Variants in PSMG2 observed in about 807,000 individuals in gnomAD.
PSMG2 encodes CD40 ligand-activated specific transcript 3.
PSMG2 carries 21 observed loss-of-function variants against 31.5 expected under a neutral mutation model. That is an observed-to-expected ratio of 0.67 (90% confidence interval 0.47 to 0.96). PSMG2 has a LOEUF of 0.96. Among genes scored for constraint, PSMG2 ranks in the 40% least tolerant of loss-of-function variants. The pLI is 0.00. For synonymous variants in PSMG2, 120 were observed against 110.4 expected (o/e 1.09, Z -0.54); for missense variants, 318 against 321.2 (o/e 0.99, Z 0.08).
chr18:12,701,208 C>T (rs1878837198), upstream of PSMG2: 1 of 814,352 alleles, frequency 1.2e-6, no homozygotes. Context: ...AGTAAATGCA[C>T]AATTGTTACC....
chr18:12,668,597 CAAAAAAAAAAAAAAAAAA>C (rs752216074), intron 1 of PSMG2, among the ~76,000 whole-genome samples: 5 of 72,836 alleles, frequency 6.9e-5, no homozygotes, highest in Admixed American at 2.3e-4. Context: ...GATTCCATCT[CAAAAAAAAAAAAAAAAAA>C]AAAAAAAAAA....
chr18:12,665,462 C>G (rs1374997629), intron 1 of PSMG2, among the ~76,000 whole-genome samples: 1 of 152,156 alleles, frequency 6.6e-6, no homozygotes, highest in Non-Finnish European at 1.5e-5. Context: ...TCCTCCTCAT[C>G]TTTTGTATAA....
intron 1 of PSMG2, chr18:12,686,599 GTA>G: frequency 1.8e-6 from 1 of 567,488 alleles, no homozygotes; most frequent in Non-Finnish European, 3.1e-6. Context: ...AAAGTGCTGT[GTA>G]TATAATTTCC....
intron 1 of PSMG2, among the ~76,000 whole-genome samples, chr18:12,677,317 A>G (rs1056957853): frequency 1.3e-5 from 2 of 152,024 alleles, no homozygotes; most frequent in Non-Finnish European, 1.5e-5. Context: ...ACATGTCTAT[A>G]ATCCCAGTTA....
chr18:12,710,361 C>T (rs2040317283), intron 2 of PSMG2, among the ~76,000 whole-genome samples: 1 of 152,156 alleles, frequency 6.6e-6, no homozygotes, highest in South Asian at 2.1e-4. Context: ...ATGCCTTATC[C>T]TTCTTAGTGC....
In PSMG2 at chr18:12,703,155, C is replaced by G. The variant is rs3809918; in HGVS notation, c.48C>G (p.Thr16=). Residue 16 remains threonine, a synonymous_variant, in exon 1 of 7, where the codon ACC becomes ACG. Transcript: ENST00000317615. ...GESAPDLAGF[T]LLMPAVSVGN... ...CGGCCCCCGACCTTGCCGGCTTCAC[C>G]CTCCTAATGGTGAGTCTCCATTTGC... 3 of 1,611,152 alleles carry G rather than the reference C, an allele frequency of 1.9e-6. No individual in the cohort carries two copies. Among genetic ancestry groups the G allele is most frequent in the Admixed American group, 3.3e-5 (2 of 59,778 alleles).
intron 1 of PSMG2, among the ~76,000 whole-genome samples, chr18:12,670,228 G>A (rs1041980065): frequency 6.6e-6 from 1 of 151,850 alleles, no homozygotes; most frequent in African/African-American, 2.4e-5. Context: ...TACTTGGGAG[G>A]CTGAGGCAGG....
intron 6 of PSMG2, among the ~76,000 whole-genome samples, chr18:12,725,195 G>T (rs1421351394): frequency 2.0e-5 from 3 of 151,854 alleles, no homozygotes; most frequent in African/African-American, 4.8e-5. Flanking sequence ...TATTCTTTTT[G>T]AATGTGATTT....
chr18:12,694,919 G>T (rs1169617866), intron 1 of PSMG2, among the ~76,000 whole-genome samples: 1 of 151,056 alleles, frequency 6.6e-6, no homozygotes, highest in Non-Finnish European at 1.5e-5. Flanking sequence ...GTTTCACCGT[G>T]TTAGCCAGGA....
upstream of PSMG2, chr18:12,699,949 T>C: frequency 7.6e-7 from 1 of 1,311,460 alleles, no homozygotes; most frequent in Admixed American, 2.3e-5. Context: ...TAGAAAACAA[T>C]TATAGGTTAA....
At chr18:12,685,289 C>T (rs1442104118) in intron 1 of PSMG2, 1 of 152,074 alleles carries the variant, frequency 6.6e-6, no homozygotes, top group African/African-American at 2.4e-5. Context: ...CATGAGCCAC[C>T]ACGCCCAGCC....
At chr18:12,699,852 A>G (rs752168024), upstream of PSMG2, 1 of 1,587,322 alleles carries the variant, frequency 6.3e-7, no homozygotes, top group African/African-American at 1.4e-5. Flanking sequence ...TCGATTGTCT[A>G]TCAAAACAAA....
At chr18:12,680,075 G>GA (rs1008850564) in intron 1 of PSMG2, among the ~76,000 whole-genome samples, 71 of 147,354 alleles carry the variant, frequency 4.8e-4, no homozygotes, top group Admixed American at 2.5e-3. Flanking sequence ...AGAGAAAACT[G>GA]AAAAAAAAAT....
intron 1 of PSMG2, chr18:12,697,233 A>C: frequency 6.2e-7 from 1 of 1,612,184 alleles, no homozygotes; most frequent in Non-Finnish European, 8.5e-7. Flanking sequence ...CTACACCCAT[A>C]AGTTCCACAG....
intron 1 of PSMG2, among the ~76,000 whole-genome samples, chr18:12,670,199 G>A (rs188079245): frequency 3.3e-5 from 5 of 151,794 alleles, no homozygotes; most frequent in East Asian, 3.9e-4. Flanking sequence ...GCGTGGTAGC[G>A]TGTGCCTGTA....
At chr18:12,672,876 A>G in intron 1 of PSMG2, 1 of 985,356 alleles carries the variant, frequency 1.0e-6, no homozygotes, top group Non-Finnish European at 1.2e-6. Context: ...AATAAACCAC[A>G]AAAGTGGTAA....
At chr18:12,678,306 C>G (rs1289057709) in intron 1 of PSMG2, 1 of 1,614,026 alleles carries the variant, frequency 6.2e-7, no homozygotes, top group African/African-American at 1.3e-5. Flanking sequence ...ACACAGGTTT[C>G]TACTGCATCA....
intron 1 of PSMG2, among the ~76,000 whole-genome samples, chr18:12,703,482 C>G (rs1319842926): frequency 6.6e-6 from 1 of 152,188 alleles, no homozygotes; most frequent in African/African-American, 2.4e-5. Context: ...GAAAGTCTTT[C>G]TACGACTAGT....
chr18:12,683,309 G>T (rs988768359), intron 1 of PSMG2, among the ~76,000 whole-genome samples: 7 of 151,288 alleles, frequency 4.6e-5, no homozygotes, highest in African/African-American at 1.7e-4. Flanking sequence ...TCGAGATCGT[G>T]ACACTGCACT....
Sources: gnomAD v4.1 joint callset for allele counts (sites outside exome capture counted in the v4.1 genomes callset) on GRCh38, gnomAD v4.1.1 for gene constraint, MANE v1.5 for transcripts, NCBI Gene and HGNC (gene_info 2026-07-23, HGNC 2026-07-21) for gene names.